ZNF124: variants seen among roughly 807,000 people sequenced by gnomAD.
ZNF124 encodes the protein zinc finger protein 124, also known as zinc finger protein HZF-16.
In ZNF124, 25 loss-of-function variants were observed where a neutral mutation model predicts 26.6. The observed-to-expected ratio is 0.94, with a 90% confidence interval of 0.68 to 1.31. ZNF124 has a LOEUF of 1.31. Ranked by LOEUF, ZNF124 falls within the 40% of genes most tolerant of loss-of-function variation. ZNF124 has a pLI of 0.00. For missense variants in ZNF124, 444 were observed against 422.2 expected (o/e 1.05, Z -0.45); for synonymous variants, 129 against 133.3 (o/e 0.97, Z 0.22).
chr1:247,163,197 T>C (rs1303382937), intron 1 of ZNF124, among the ~76,000 whole-genome samples: 1 of 151,684 alleles, frequency 6.6e-6, no homozygotes, highest in Non-Finnish European at 1.5e-5. Flanking sequence ...ATCAAAAACT[T>C]TGAAAAGATC....
chr1:247,141,483 C>T (rs376307386), intron 3 of ZNF124, among the ~76,000 whole-genome samples: 67 of 152,142 alleles, frequency 4.4e-4, no homozygotes, highest in African/African-American at 1.5e-3. Context: ...ACTAGTCTCT[C>T]GGTATGGTGG....
chr1:247,163,487 C>A (rs1286666133), intron 1 of ZNF124, among the ~76,000 whole-genome samples: 2 of 149,436 alleles, frequency 1.3e-5, no homozygotes, highest in African/African-American at 5.0e-5. Flanking sequence ...AAAAAAAAAT[C>A]CCTCAGAGGC....
In ZNF124 at chr1:247,156,961, G is replaced by C; in HGVS notation, c.661C>G (p.Leu221Val). The C allele has an allele frequency of 1.2e-6, 2 of 1,612,974 alleles. No individual in the cohort carries two copies. The highest frequency in any genetic ancestry group is 2.2e-5 in the South Asian group (2 of 91,020). Residue 221 changes from leucine (L) to valine (V), a missense_variant, in exon 4 of 4, where the codon CTT becomes GTT. Leu to Val is a conservative substitution (Grantham distance 32). Coordinates refer to ENST00000543802, the MANE Select transcript of ZNF124 (RefSeq NM_001297568.2). ...CGKAFRYSNC[L>V]HYHERTHTGE... ...GTGTGAGTTCTTTCATGGTAATGAAGGCAATTGGAGTAACGGAAGGCTTTC... is the reference window on the plus strand; with the variant it reads ...GTGTGAGTTCTTTCATGGTAATGAACGCAATTGGAGTAACGGAAGGCTTTC...
intron 3 of ZNF124, among the ~76,000 whole-genome samples, chr1:247,133,443 C>T (rs1197822436): frequency 2.6e-5 from 4 of 151,988 alleles, no homozygotes; most frequent in African/African-American, 9.7e-5. Flanking sequence ...ACAGAGAACA[C>T]CATTAAGATA....
intron 3 of ZNF124, among the ~76,000 whole-genome samples, chr1:247,136,719 G>C (rs1672491677): frequency 6.6e-6 from 1 of 152,072 alleles, no homozygotes. Context: ...GGCCAAGGCG[G>C]GTATATCACT....
At chr1:247,170,379 GA>G (rs202179335) in intron 1 of ZNF124, among the ~76,000 whole-genome samples, 27,719 of 150,140 alleles carry the variant, frequency 0.18, 3,238 homozygotes, top group Middle Eastern at 0.3. Context: ...GTATGAGGAA[GA>G]AACTGGAAAT....
At chr1:247,127,409 T>C in intron 3 of ZNF124, among the ~76,000 whole-genome samples, 1 of 43,264 alleles carries the variant, frequency 2.3e-5, no homozygotes, top group South Asian at 7.3e-4. Flanking sequence ...GAAGTACCTT[T>C]AGGTTTTCTT....
intron 3 of ZNF124, among the ~76,000 whole-genome samples, chr1:247,132,685 TA>T (rs1221185580): frequency 6.6e-6 from 1 of 152,136 alleles, no homozygotes; most frequent in Non-Finnish European, 1.5e-5. Flanking sequence ...GCCTGGTAGT[TA>T]AAGATCGACC....
At chr1:247,129,966 G>A (rs1333346647) in intron 3 of ZNF124, among the ~76,000 whole-genome samples, 1 of 134,050 alleles carries the variant, frequency 7.5e-6, no homozygotes, top group East Asian at 2.0e-4. Flanking sequence ...GGAGATGAGA[G>A]GGAGGGTGGA....
rs185785524 is a variant in ZNF124 at position 247,160,658 on chromosome 1, T to C, written c.31-845A>G. Among the ~76,000 whole-genome samples, 32 of 152,324 alleles carry C rather than the reference T, an allele frequency of 2.1e-4. No individual in the cohort carries two copies. In the East Asian group the frequency reaches 6.0e-3, roughly 28 times the overall value. On this transcript the variant is annotated intron_variant, in intron 1 of 3. Transcript: ENST00000543802. ...CCTTCCAAAAGTCTATTATTTTGTT[T>C]TATTGTAGCAGTGGTGCCTAGGGGG...
At chr1:247,125,092 A>G (rs1672175728) in intron 3 of ZNF124, among the ~76,000 whole-genome samples, 2 of 152,164 alleles carry the variant, frequency 1.3e-5, no homozygotes, top group South Asian at 4.2e-4. Flanking sequence ...CATGAGCCAC[A>G]GCGCCCGGCC....
intron 1 of ZNF124, among the ~76,000 whole-genome samples, chr1:247,163,130 C>A (rs1194953575): frequency 6.6e-6 from 1 of 152,084 alleles, no homozygotes; most frequent in Non-Finnish European, 1.5e-5. Context: ...ATACAAGAAT[C>A]TCTGGAACAC....
chr1:247,155,384 C>T lies in ZNF124; in HGVS notation c.*1182G>A, dbSNP rs7516747. 0.12 allele frequency among the ~76,000 whole-genome samples: 17,401 copies of T among 150,900 alleles called. 1,282 individuals carry two copies. Among genetic ancestry groups the T allele is most frequent in the African/African-American group, 0.19 (7,630 of 40,694 alleles). On this transcript the variant is annotated 3_prime_UTR_variant, in exon 4 of 4. Coordinates refer to ENST00000543802, the MANE Select transcript of ZNF124 (RefSeq NM_001297568.2). ...TAAAAAATTTTAAAAATATTTTATA[C>T]TTTAAATATTTAAAAAATATTTTTT...
intron 1 of ZNF124, among the ~76,000 whole-genome samples, chr1:247,165,119 A>T (rs1673703729): frequency 6.6e-6 from 1 of 152,002 alleles, no homozygotes; most frequent in Admixed American, 6.6e-5. Flanking sequence ...GGCGCCTGCC[A>T]CCCCGCCCTG....
At chr1:247,135,613 G>C (rs2103102414) in intron 3 of ZNF124, among the ~76,000 whole-genome samples, 1 of 152,250 alleles carries the variant, frequency 6.6e-6, no homozygotes, top group South Asian at 2.1e-4. Context: ...AAGAGGAGCA[G>C]ATACCATTCC....
chr1:247,160,072 G>A (rs946135243), intron 1 of ZNF124, among the ~76,000 whole-genome samples: 8 of 138,378 alleles, frequency 5.8e-5, no homozygotes, highest in Admixed American at 2.5e-4. Context: ...TGCAATCTTC[G>A]CCTCGCAGGC....
chr1:247,124,214 T>C (rs907836009), intron 3 of ZNF124, among the ~76,000 whole-genome samples: 1 of 151,896 alleles, frequency 6.6e-6, no homozygotes, highest in African/African-American at 2.4e-5. Context: ...GTGGCTTTTT[T>C]TTTTTTTGAG....
At chr1:247,122,583 T>C (rs1227668334) in exon 4 of ZNF124, 1 of 152,210 alleles carries the variant, frequency 6.6e-6, no homozygotes, top group Admixed American at 6.5e-5. Context: ...CTATGTGTCC[T>C]AGGCACTGGA....
intron 3 of ZNF124, among the ~76,000 whole-genome samples, chr1:247,144,806 C>T (rs896777221): frequency 2.0e-5 from 3 of 149,422 alleles, no homozygotes; most frequent in South Asian, 2.1e-4. Flanking sequence ...GACAGAGTCT[C>T]GCTCTGTCTC....
Sources: gnomAD v4.1 joint callset for allele counts (sites outside exome capture counted in the v4.1 genomes callset) on GRCh38, gnomAD v4.1.1 for gene constraint, MANE v1.5 for transcripts, NCBI Gene and HGNC (gene_info 2026-07-23, HGNC 2026-07-21) for gene names.